Variants in RGS6 observed in about 807,000 individuals in gnomAD.
The protein encoded by RGS6 is regulator of G-protein signaling 6.
In RGS6, 30 loss-of-function variants were observed where a neutral mutation model predicts 78.5. That is an observed-to-expected ratio of 0.38 (90% CI 0.29 to 0.52). The LOEUF (loss-of-function observed/expected upper bound fraction) is 0.52. Ranked by LOEUF, RGS6 falls within the 20% of genes least tolerant of loss-of-function variation. The pLI, the probability that RGS6 is intolerant of heterozygous loss-of-function variation, is 0.85. For synonymous variants in RGS6, 206 were observed against 206.0 expected (o/e 1.00, Z 0.00); for missense variants, 495 against 609.7 (o/e 0.81, Z 1.98).
intron 2 of RGS6, among the ~76,000 whole-genome samples, chr14:72,290,240 C>T (rs887751596): frequency 6.6e-6 from 1 of 152,168 alleles, no homozygotes; most frequent in Non-Finnish European, 1.5e-5. Context: ...GCTGCATAAA[C>T]CCTATTCAGT....
At chr14:72,508,315 T>C (rs2096834873) in intron 13 of RGS6, among the ~76,000 whole-genome samples, 2 of 152,296 alleles carry the variant, frequency 1.3e-5, no homozygotes, top group Middle Eastern at 3.4e-3. Context: ...TGCATACCAA[T>C]ATAGTAGCCA....
rs537054133 is a variant in RGS6, at chr14:71,991,385, A to G, written c.84+26510A>G. Among the ~76,000 whole-genome samples the G allele has an allele frequency of 1.4e-3, 213 of 152,342 alleles. 1 individual carries two copies. The highest frequency in any genetic ancestry group is 2.2e-3 in the Non-Finnish European group (149 of 68,038). On this transcript the variant is annotated intron_variant, in intron 2 of 17. Transcript: ENST00000553525. ...TCCTATCTGTGAGAGAGGATGAGAA[A>G]AAAACAGACAAGAAGACAAACCAAT...
intron 17 of RGS6, chr14:72,550,335 G>A (rs1302332414): frequency 1.3e-6 from 1 of 766,458 alleles, no homozygotes; most frequent in South Asian, 1.5e-5. Context: ...GAGAGGGAAG[G>A]CAGGGAGGCA....
intron 2 of RGS6, among the ~76,000 whole-genome samples, chr14:72,230,262 A>T (rs1355443891): frequency 6.6e-6 from 1 of 152,028 alleles, no homozygotes; most frequent in Non-Finnish European, 1.5e-5. Context: ...GTCTCTTGGG[A>T]GTTATGGTCA....
chr14:72,610,052 C>T, the RGS6 span, among the ~76,000 whole-genome samples: 1 of 152,184 alleles, frequency 6.6e-6, no homozygotes, highest in Admixed American at 6.5e-5. Flanking sequence ...CTGAGAGTCT[C>T]AGAAGGAGTT....
chr14:72,306,637 G>T (rs1253528749), intron 2 of RGS6, among the ~76,000 whole-genome samples: 1 of 152,228 alleles, frequency 6.6e-6, no homozygotes, highest in African/African-American at 2.4e-5. Context: ...CAAGACTTCA[G>T]TGGAGGAAGT....
chr14:72,120,012 G>A (rs1422168159), intron 2 of RGS6, among the ~76,000 whole-genome samples: 1 of 152,196 alleles, frequency 6.6e-6, no homozygotes, highest in African/African-American at 2.4e-5. Context: ...GGAAGTAGAT[G>A]TATTGGAGAT....
At chr14:72,303,055 C>T (rs1431758491) in intron 2 of RGS6, among the ~76,000 whole-genome samples, 3 of 152,166 alleles carry the variant, frequency 2.0e-5, no homozygotes, top group Non-Finnish European at 2.9e-5. Context: ...ACAGTGAGTC[C>T]ATTAAACCTC....
At chr14:72,347,945 G>T (rs1356843) in intron 2 of RGS6, among the ~76,000 whole-genome samples, 70,519 of 151,968 alleles carry the variant, frequency 0.46, 16,661 homozygotes, top group South Asian at 0.6. Flanking sequence ...AGCTTTATTT[G>T]CCATGTTCAG....
At chr14:72,513,472 CT>C (rs1313071590) in intron 14 of RGS6, among the ~76,000 whole-genome samples, 1 of 152,142 alleles carries the variant, frequency 6.6e-6, no homozygotes, top group Non-Finnish European at 1.5e-5. Flanking sequence ...GGGTCTACCT[CT>C]TTTTCTCCTT....
chr14:72,036,184 G>A (rs1388531092), intron 2 of RGS6, among the ~76,000 whole-genome samples: 1 of 125,800 alleles, frequency 7.9e-6, no homozygotes, highest in Non-Finnish European at 1.7e-5. Context: ...ACTCATCCAA[G>A]TTGTTGCATG....
intron 14 of RGS6, chr14:72,513,886 G>C (rs373596874): frequency 6.6e-6 from 1 of 152,222 alleles, no homozygotes; most frequent in African/African-American, 2.4e-5. Context: ...TTGATGATCC[G>C]AGTTCCACAC....
the RGS6 span, among the ~76,000 whole-genome samples, chr14:71,896,965 G>C: frequency 2.0e-5 from 3 of 152,290 alleles, no homozygotes; most frequent in South Asian, 6.2e-4. Context: ...GGGTTAGATT[G>C]GCTTAGGTAA....
chr14:72,116,353 C>T (rs555476938), intron 2 of RGS6, among the ~76,000 whole-genome samples: 6 of 152,150 alleles, frequency 3.9e-5, no homozygotes, highest in Middle Eastern at 3.4e-3. Context: ...CAGTGTCAGC[C>T]GTGAGGCTCT....
intron 15 of RGS6, among the ~76,000 whole-genome samples, chr14:72,521,598 A>T (rs74481011): frequency 0.018 from 2,793 of 152,338 alleles, 93 homozygotes; most frequent in African/African-American, 0.063. Context: ...CTTCTTCATT[A>T]TCTGCTAGGA....
rs113873314 is a variant in RGS6, at chr14:72,186,300, A to G, written c.85-165795A>G. ...TATTTCTAAGTGTATTTTGCTGGGC[A>G]TTAACGCAGATGGAATACAGCCGAG... On this transcript the variant is annotated intron_variant, in intron 2 of 17. Transcript: ENST00000553525. 3.9e-5 allele frequency among the ~76,000 whole-genome samples: 6 copies of G among 152,380 alleles called. 1 individual carries two copies. The highest frequency in any genetic ancestry group is 1.4e-4 in the African/African-American group (6 of 41,598).
At chr14:72,629,612 C>T in the RGS6 span, 1 of 1,533,084 alleles carries the variant, frequency 6.5e-7, no homozygotes, top group Non-Finnish European at 8.7e-7. Flanking sequence ...ACAGGGAAAG[C>T]CCCAAACTCA....
At chr14:72,554,687 T>C (rs557377207) in intron 17 of RGS6, among the ~76,000 whole-genome samples, 1 of 151,554 alleles carries the variant, frequency 6.6e-6, no homozygotes, top group African/African-American at 2.4e-5. Context: ...CCACCAAGAA[T>C]TTCCTGCAAG....
At chr14:72,321,272 G>T (rs2071927608) in intron 2 of RGS6, among the ~76,000 whole-genome samples, 1 of 151,418 alleles carries the variant, frequency 6.6e-6, no homozygotes, top group South Asian at 2.1e-4. Flanking sequence ...CTCACAAAAA[G>T]AAAATATAGA....
Sources: allele counts gnomAD v4.1 joint callset (sites outside exome capture counted in the v4.1 genomes callset), GRCh38; gene constraint gnomAD v4.1.1; transcripts MANE v1.5; gene names NCBI Gene and HGNC (gene_info 2026-07-23, HGNC 2026-07-21).